Variants in PKD2L1 observed in about 807,000 individuals in gnomAD.
PKD2L1 encodes the protein polycystin 2 like 1, transient receptor potential cation channel, also known as polycystin-2-like protein 1.
Under a neutral mutation model 93.0 loss-of-function variants are expected in PKD2L1, and 77 were observed. That is an observed-to-expected ratio of 0.83 (90% CI 0.69 to 1.00). The LOEUF (loss-of-function observed/expected upper bound fraction) is 1.00, where lower values mean the gene tolerates loss of function less well. Among genes scored for constraint, PKD2L1 ranks in the 50% least tolerant of loss-of-function variants. The pLI, the probability that PKD2L1 is intolerant of heterozygous loss-of-function variation, is 0.00. For synonymous variants in PKD2L1, 390 were observed against 388.0 expected, an observed-to-expected ratio of 1.01 and a Z score of -0.06; for missense variants, 977 against 990.9, an observed-to-expected ratio of 0.99 and a Z score of 0.19.
Position 100,294,571 on chromosome 10 carries a change from A to C in PKD2L1, c.1623T>G (p.Phe541Leu). ...NANRILGPAYFVTYVFFVFFV... is the reference protein window; with the variant it reads ...NANRILGPAYLVTYVFFVFFV... ...AGAAGACGAAGAAGACATAGGTGACAAAGTAGGCAGGGCCCAGGATGCGGT... is the reference window on the plus strand; with the variant it reads ...AGAAGACGAAGAAGACATAGGTGACCAAGTAGGCAGGGCCCAGGATGCGGT... Residue 541 changes from phenylalanine to leucine, a missense_variant, in exon 9 of 16, where the codon TTT becomes TTG. Phe to Leu is a conservative substitution (Grantham distance 22). Transcript: ENST00000318222. 6 of 1,614,088 alleles carry C rather than the reference A, an allele frequency of 3.7e-6. No individual in the cohort carries two copies. Among genetic ancestry groups the C allele is most frequent in the Non-Finnish European group, 5.1e-6 (6 of 1,180,004 alleles).
Position 100,293,322 on chromosome 10 carries a change from C to G in PKD2L1, c.1717G>C (p.Gly573Arg). The G allele has an allele frequency of 6.2e-7, 1 of 1,613,774 alleles. No individual in the cohort carries two copies. The highest frequency in any genetic ancestry group is 8.5e-7 in the Non-Finnish European group (1 of 1,179,632). Residue 573 changes from glycine (G) to arginine (R), a missense_variant, in exon 10 of 16, where the codon GGA (glycine) becomes CGA (arginine). Coordinates refer to ENST00000318222, the MANE Select transcript of PKD2L1 (RefSeq NM_016112.3). ...TYSEVKEELA[G>R]QKDELQLSDL... The stretch of plus-strand genomic sequence containing the variant: ...GAAAGTTGCAGCTCATCCTTCTGTC[C>G]AGCCAGCTCCTCCTTGACCTCTGAA...
Position 100,295,086 on chromosome 10 carries a change from TG to T in PKD2L1, c.1393del (p.Gln465SerfsTer55). The T allele has an allele frequency of 6.2e-7, 1 of 1,614,106 alleles. No homozygotes were observed. Among genetic ancestry groups the T allele is most frequent in the East Asian group, 2.2e-5 (1 of 44,888 alleles). ...KYISFNKTMT[Q>X]LSSTLARCAK... ...ACAGCGGGCCAGCGTGGAGGAGAGC[TG>T]GGTCATGGTTTTGTTGAAGCTGATG... On this transcript the variant is annotated frameshift_variant, in exon 8 of 16. Transcript: ENST00000318222. LOFTEE classifies it high-confidence loss of function.
At position 100,296,184 on chromosome 10, in the gene PKD2L1, C is replaced by T. The variant is rs575825254; in HGVS notation, c.1294G>A (p.Ala432Thr). ...TTGTTGTACTGTGTCTGCCAGAAGGCGAGGAACTCAAAGTCTGCATACGTG... is the reference window on the plus strand; with the variant it reads ...TTGTTGTACTGTGTCTGCCAGAAGGTGAGGAACTCAAAGTCTGCATACGTG... ...PNTYADFEFLAFWQTQYNNMN... is the reference protein window; with the variant it reads ...PNTYADFEFLTFWQTQYNNMN... Residue 432 changes from alanine (A) to threonine (T), a missense_variant, in exon 7 of 16, where the codon GCC becomes ACC. Transcript: ENST00000318222. The T allele has an allele frequency of 1.2e-5, 19 of 1,612,150 alleles. No individual in the cohort carries two copies. The highest frequency in any genetic ancestry group is 3.3e-5 in the Admixed American group (2 of 59,774).
rs1413909613 is a variant in PKD2L1 at position 100,288,864 on chromosome 10, C to T, written c.2335+108G>A. 6 of 663,760 alleles carry T rather than the reference C, an allele frequency of 9.0e-6. No individual in the cohort carries two copies. In the East Asian group the frequency reaches 1.6e-4, roughly 18 times the overall value. 41.1% of individuals were successfully genotyped at this position (663,760 alleles called of 1,614,324 possible). On this transcript the variant is annotated intron_variant, in intron 15 of 15. Transcript: ENST00000318222. ...ATGCAGGGTGGGGCTCAGCAGCAGC[C>T]ATGATGGGACCTGTTGTCCTAGAAG...
At position 100,295,085 on chromosome 10, in the gene PKD2L1, C is replaced by G; in HGVS notation, c.1395G>C (p.Gln465His). ...KYISFNKTMT[Q>H]LSSTLARCAK... ...CACAGCGGGCCAGCGTGGAGGAGAG[C>G]TGGGTCATGGTTTTGTTGAAGCTGA... The change falls in exon 8 of 16, where the codon CAG becomes CAC. Residue 465 changes from glutamine (Q) to histidine (H), a missense_variant. Transcript: ENST00000318222. 1 of 1,614,124 alleles carries G rather than the reference C, an allele frequency of 6.2e-7. No individual in the cohort carries two copies.
At chr10:100,321,904 CAAGGAAGGAAGG>C (rs71013443) in intron 2 of PKD2L1, among the ~76,000 whole-genome samples, 2 of 9,488 alleles carry the variant, frequency 2.1e-4, no homozygotes, top group East Asian at 2.9e-3. Flanking sequence ...GGGAAGGAAG[CAAGGAAGGAAGG>C]AAGGAAGGAA....
In PKD2L1 at chr10:100,296,114, C is replaced by T. The variant is rs376129958; in HGVS notation, c.1356+8G>A. The T allele has an allele frequency of 1.5e-4, 238 of 1,602,752 alleles. 1 individual carries two copies. Among genetic ancestry groups the T allele is most frequent in the Non-Finnish European group, 2.0e-4 (231 of 1,175,102 alleles). On this transcript the variant is annotated splice_region_variant and intron_variant, in intron 7 of 15. Transcript: ENST00000318222. Reference sequence around the variant, plus strand: ...TGAAGCAAAGCTGGGTGTGGGAATCCCAGGTACCTTGATCCAGGCGAAGAA... The same window carrying T: ...TGAAGCAAAGCTGGGTGTGGGAATCTCAGGTACCTTGATCCAGGCGAAGAA...
intron 11 of PKD2L1, 59 bp downstream of exon 11, chr10:100,292,889 T>C (rs1848434606): frequency 6.4e-7 from 1 of 1,551,622 alleles, no homozygotes; most frequent in African/African-American, 1.4e-5. Context: ...TGAAGTATGG[T>C]TGAGGGTTGA....
chr10:100,307,698 G>A (rs1848836351), intron 2 of PKD2L1, among the ~76,000 whole-genome samples: 1 of 152,102 alleles, frequency 6.6e-6, no homozygotes, highest in Admixed American at 6.6e-5. Context: ...AGAAACTTTA[G>A]CTACATAAAA....
intron 1 of PKD2L1, 159 bp from the exon 2 acceptor site, chr10:100,329,483 T>C (rs1432366533): frequency 2.1e-6 from 2 of 961,360 alleles, no homozygotes; most frequent in South Asian, 1.6e-5. Context: ...CCCACACCCA[T>C]GCTTGCTCTT....
chr10:100,311,836 G>A (rs955223211), intron 2 of PKD2L1, among the ~76,000 whole-genome samples: 2 of 152,064 alleles, frequency 1.3e-5, no homozygotes, highest in Admixed American at 6.5e-5. Context: ...TATACTAGTC[G>A]AACACATAAA....
intron 2 of PKD2L1, 107 bp downstream of exon 2, chr10:100,329,104 A>G (rs943027109): frequency 1.7e-5 from 17 of 1,028,974 alleles, no homozygotes; most frequent in Non-Finnish European, 2.5e-5. Context: ...CTGCTTACAC[A>G]GATAGATGCT....
Position 100,299,660 on chromosome 10 carries a change from G to A in PKD2L1, c.408C>T (p.Leu136=), listed in dbSNP as rs970729725. 9.3e-6 allele frequency: 15 copies of A among 1,612,622 alleles called. No individual in the cohort carries two copies. The highest frequency in any genetic ancestry group is 1.3e-5 in the Non-Finnish European group (15 of 1,178,578). The part of the protein sequence containing the change: ...AYYYTKVMSE[L]FLHTPSDTGV... ...CAGTGTCTGATGGAGTATGTAAGAA[G>A]AGCTCAGACATCACTTTGGTGTAGT... Residue 136 remains leucine (L), a synonymous_variant, in exon 3 of 16, where the codon CTC becomes CTT. Coordinates refer to ENST00000318222, the MANE Select transcript of PKD2L1 (RefSeq NM_016112.3).
intron 10 of PKD2L1, 48 bp from the exon 11 acceptor site, chr10:100,293,117 A>C: frequency 6.2e-7 from 1 of 1,600,660 alleles, no homozygotes; most frequent in Non-Finnish European, 8.5e-7. Context: ...CTGCTCACTC[A>C]TCCCTGGCCC....
Position 100,329,189 on chromosome 10 carries a change from CACAA to C in PKD2L1, c.349+18_349+21del. 1.9e-6 allele frequency: 3 copies of C among 1,611,958 alleles called. No individual in the cohort carries two copies. The South Asian group carries it at 3.3e-5, about 18-fold the overall frequency. On this transcript the variant is annotated intron_variant, in intron 2 of 15. Coordinates refer to ENST00000318222, the MANE Select transcript of PKD2L1 (RefSeq NM_016112.3). ...TAGATGTTTCTCACAGACAGATGTA[CACAA>C]ACACAGATGCTACTCACGTAGACAG...
In PKD2L1 at chr10:100,296,251, G is replaced by A. The variant is rs560260660; in HGVS notation, c.1227C>T (p.Leu409=). Residue 409 remains leucine, a synonymous_variant, in exon 7 of 16, where the codon CTC becomes CTT. Coordinates refer to ENST00000318222, the MANE Select transcript of PKD2L1 (RefSeq NM_016112.3). ...VAVGFHIFRT[L]EVNRLMGKLL... is the part of the protein sequence containing the mutation. Reference sequence around the variant, plus strand: ...GCTTCCCCATGAGCCGATTCACCTCGAGGGTTCGGAATATGTGGAAGCCCA... The same window carrying A: ...GCTTCCCCATGAGCCGATTCACCTCAAGGGTTCGGAATATGTGGAAGCCCA... 136 of 1,608,894 alleles carry A rather than the reference G, an allele frequency of 8.5e-5. 1 individual carries two copies. The East Asian group carries it at 1.8e-3, about 21-fold the overall frequency.
At chr10:100,326,761 G>T (rs1849388355) in intron 2 of PKD2L1, among the ~76,000 whole-genome samples, 1 of 152,156 alleles carries the variant, frequency 6.6e-6, no homozygotes, top group South Asian at 2.1e-4. Flanking sequence ...GAAATTCAAA[G>T]AAGTTAAGCA....
In PKD2L1 at chr10:100,329,201, T is replaced by C; in HGVS notation, c.349+10A>G. ...ACAGACAGATGTACACAAACACAGA[T>C]GCTACTCACGTAGACAGATGTCCAC... On this transcript the variant is annotated intron_variant, in intron 2 of 15. Transcript: ENST00000318222. 6.2e-7 allele frequency: 1 copy of C among 1,613,492 alleles called. No homozygotes were observed. Among genetic ancestry groups the C allele is most frequent in the Non-Finnish European group, 8.5e-7 (1 of 1,179,436 alleles).
intron 2 of PKD2L1, among the ~76,000 whole-genome samples, chr10:100,310,159 C>T (rs1848901021): frequency 6.6e-6 from 1 of 152,112 alleles, no homozygotes; most frequent in Admixed American, 6.5e-5. Flanking sequence ...CAGGGTGAGA[C>T]CCCATTTCTA....
Sources: allele counts gnomAD v4.1 joint callset (sites outside exome capture counted in the v4.1 genomes callset), GRCh38; gene constraint gnomAD v4.1.1; transcripts MANE v1.5; gene names NCBI Gene and HGNC (gene_info 2026-07-23, HGNC 2026-07-21).